Variants in ATAD2B observed in about 807,000 individuals in gnomAD.
ATAD2B encodes ATPase family AAA domain-containing protein 2B.
A neutral mutation model predicts 167.6 loss-of-function variants in ATAD2B; 40 were observed. That is an observed-to-expected ratio of 0.24 (90% CI 0.19 to 0.31). The LOEUF (loss-of-function observed/expected upper bound fraction) is 0.31. ATAD2B is among the 10% of genes least tolerant of loss of function. The probability of loss-of-function intolerance (pLI) is 1.00; values close to 1 mark genes in which losing one functional copy is unlikely to be tolerated. For missense variants in ATAD2B, 1,242 were observed against 1,757.2 expected (o/e 0.71, Z 5.24); for synonymous variants, 579 against 596.5 (o/e 0.97, Z 0.43).
intron 25 of ATAD2B, among the ~76,000 whole-genome samples, chr2:23,756,272 A>T (rs1250556950): frequency 6.6e-6 from 1 of 152,156 alleles, no homozygotes; most frequent in Non-Finnish European, 1.5e-5. Context: ...GAATAAGACA[A>T]ATGTTTAACA....
rs1482596019 is a variant in ATAD2B at position 23,749,567 on chromosome 2, G to A, written c.*2479C>T. The A allele has an allele frequency of 6.6e-6, 1 of 151,938 alleles. No homozygotes were observed. Among genetic ancestry groups the A allele is most frequent in the Non-Finnish European group, 1.5e-5 (1 of 67,962 alleles). 9.4% of individuals were successfully genotyped at this position (151,938 alleles called of 1,614,324 possible). A position where few individuals can be genotyped will look rare whatever the true frequency, so the allele number is the denominator to read the frequency against. On this transcript the variant is annotated 3_prime_UTR_variant, in exon 28 of 28. Coordinates refer to ENST00000238789, the MANE Select transcript of ATAD2B (RefSeq NM_017552.4). ...AACTGGTAAGTGTGTTTTTTTAATTGAGGGAAGGAGGGCCAGAGGAGTTGG... is the reference window on the plus strand; with the variant it reads ...AACTGGTAAGTGTGTTTTTTTAATTAAGGGAAGGAGGGCCAGAGGAGTTGG...
the ATAD2B span, chr2:23,684,584 G>A: frequency 1.0e-5 from 15 of 1,479,644 alleles, no homozygotes; most frequent in Admixed American, 5.2e-5. The surrounding 1 kb of genome is among the most constrained non-coding windows in gnomAD (Gnocchi z 4.4). Flanking sequence ...TTTGTAGGAC[G>A]CTTTTGTGTC....
intron 6 of ATAD2B, among the ~76,000 whole-genome samples, chr2:23,882,085 C>T (rs978567937): frequency 6.6e-6 from 1 of 152,158 alleles, no homozygotes; most frequent in Admixed American, 6.5e-5. Flanking sequence ...TCTAGCTGGA[C>T]GCAGAGGCAC....
downstream of ATAD2B, among the ~76,000 whole-genome samples, chr2:23,745,414 AAGGAAGGAAAGGG>A (rs1366399211): frequency 4.4e-3 from 472 of 108,286 alleles, 2 homozygotes; most frequent in African/African-American, 0.015. Context: ...GGAAGGAAGG[AAGGAAGGAAAGGG>A]AAGGGAAGGG....
chr2:23,780,171 C>T (rs1679781368), intron 22 of ATAD2B, among the ~76,000 whole-genome samples: 1 of 151,734 alleles, frequency 6.6e-6, no homozygotes, highest in Admixed American at 6.6e-5. Context: ...TTGCTTGAGC[C>T]CAGGAGACAA....
chr2:23,884,570 T>G (rs1698418059), intron 6 of ATAD2B, among the ~76,000 whole-genome samples, 195 bp downstream of exon 6: 1 of 152,176 alleles, frequency 6.6e-6, no homozygotes, highest in Middle Eastern at 3.2e-3. Context: ...TAATGTGCAC[T>G]TAAAAGTATT....
intron 12 of ATAD2B, among the ~76,000 whole-genome samples, chr2:23,862,972 T>TA (rs1215162629): frequency 6.6e-6 from 1 of 152,194 alleles, no homozygotes; most frequent in African/African-American, 2.4e-5. Context: ...CAATCACAGA[T>TA]TACTAATCCT....
intron 8 of ATAD2B, chr2:23,872,506 T>C (rs1415123082): frequency 3.7e-6 from 3 of 805,092 alleles, no homozygotes; most frequent in African/African-American, 3.4e-5. Context: ...TATTTCTTCA[T>C]TCCAAAACGG....
At chr2:23,903,927 T>C (rs900788315) in intron 1 of ATAD2B, among the ~76,000 whole-genome samples, 4 of 150,802 alleles carry the variant, frequency 2.7e-5, no homozygotes, top group African/African-American at 9.7e-5. Flanking sequence ...GTATAAAAAG[T>C]GCCGGTTGTT....
At chr2:23,794,876 C>T (rs1192504283) in intron 19 of ATAD2B, among the ~76,000 whole-genome samples, 1 of 151,820 alleles carries the variant, frequency 6.6e-6, no homozygotes, top group African/African-American at 2.4e-5. Flanking sequence ...AATGTTTTCC[C>T]CAGTATCCCA....
intron 20 of ATAD2B, chr2:23,788,255 C>T: frequency 2.5e-6 from 1 of 400,214 alleles, no homozygotes; most frequent in African/African-American, 2.0e-5. Flanking sequence ...TTTTGAGCCC[C>T]ATAATGTGAC....
At chr2:23,919,440 G>A (rs903726190) in intron 1 of ATAD2B, among the ~76,000 whole-genome samples, 7 of 151,904 alleles carry the variant, frequency 4.6e-5, no homozygotes, top group East Asian at 3.9e-4. Flanking sequence ...CCAGCTATTC[G>A]GGAGGTTAAG....
chr2:23,713,893 T>A, the ATAD2B span, among the ~76,000 whole-genome samples: 126 of 152,224 alleles, frequency 8.3e-4, 2 homozygotes, highest in Non-Finnish European at 8.2e-4. Context: ...AATGCTGCTA[T>A]GAACAGTGGT....
intron 17 of ATAD2B, among the ~76,000 whole-genome samples, chr2:23,814,167 A>G (rs1009764462): frequency 1.3e-5 from 2 of 152,222 alleles, no homozygotes; most frequent in Non-Finnish European, 2.9e-5. Flanking sequence ...TTAATGTATA[A>G]AGAGTTTATA....
chr2:23,802,005 T>A (rs781487203), intron 18 of ATAD2B, among the ~76,000 whole-genome samples: 4 of 152,038 alleles, frequency 2.6e-5, no homozygotes, highest in Non-Finnish European at 4.4e-5. Flanking sequence ...AGAAAAATTT[T>A]AAACCCAAAT....
the ATAD2B span, among the ~76,000 whole-genome samples, chr2:23,683,532 G>A: frequency 6.6e-6 from 1 of 152,222 alleles, no homozygotes; most frequent in East Asian, 1.9e-4. Flanking sequence ...GCCTTGGGGT[G>A]GGTCTGGGAG....
At chr2:23,693,662 G>A in the ATAD2B span, 27 of 945,108 alleles carry the variant, frequency 2.9e-5, no homozygotes, top group South Asian at 2.4e-4. Context: ...GGTGAAGGGC[G>A]GGCAGAGAGG....
At chr2:23,896,131 C>A (rs1000796224) in intron 1 of ATAD2B, among the ~76,000 whole-genome samples, 161 bp from the exon 2 acceptor site, 2 of 143,258 alleles carry the variant, frequency 1.4e-5, no homozygotes, top group African/African-American at 2.6e-5. Flanking sequence ...GACTGGCCAA[C>A]ATGGTGAAAC....
chr2:23,902,217 A>T (rs181258287), intron 1 of ATAD2B, among the ~76,000 whole-genome samples: 91 of 152,288 alleles, frequency 6.0e-4, no homozygotes, highest in African/African-American at 2.1e-3. Flanking sequence ...AATACAAAGC[A>T]CATCATCCTA....
Sources: allele counts gnomAD v4.1 joint callset (sites outside exome capture counted in the v4.1 genomes callset), GRCh38; gene constraint gnomAD v4.1.1; non-coding constraint Gnocchi (gnomAD v3.1); transcripts MANE v1.5; gene names NCBI Gene and HGNC (gene_info 2026-07-23, HGNC 2026-07-21).